FAM168B: variants seen among roughly 807,000 people sequenced by gnomAD.
FAM168B encodes the protein family with sequence similarity 168 member B.
Under a neutral mutation model 21.8 loss-of-function variants are expected in FAM168B, and 19 were observed. The ratio of observed to expected loss-of-function variants is 0.87; its 90% CI spans 0.61 to 1.28. The LOEUF (loss-of-function observed/expected upper bound fraction) is 1.28. Among genes scored for constraint, FAM168B ranks in the 50% most tolerant of loss-of-function variants. The pLI is 0.00. For synonymous variants in FAM168B, 126 were observed against 104.8 expected, an observed-to-expected ratio of 1.20 and a Z score of -1.24; for missense variants, 233 against 263.1, an observed-to-expected ratio of 0.89 and a Z score of 0.79.
intron 3 of FAM168B, among the ~76,000 whole-genome samples, chr2:131,064,717 G>A (rs1191500925): frequency 2.0e-5 from 3 of 152,124 alleles, no homozygotes; most frequent in Non-Finnish European, 4.4e-5. Flanking sequence ...AAGAACTCAG[G>A]CAGAAGGGAA....
intron 5 of FAM168B, among the ~76,000 whole-genome samples, chr2:131,054,055 A>T (rs994332623): frequency 2.6e-5 from 4 of 151,776 alleles, no homozygotes; most frequent in African/African-American, 9.7e-5. Context: ...AGGTACAAAA[A>T]AATATTAGGC....
chr2:131,084,610 CTTTCTT>C (rs981550234), intron 1 of FAM168B, among the ~76,000 whole-genome samples: 1 of 152,072 alleles, frequency 6.6e-6, no homozygotes, highest in African/African-American at 2.4e-5. Flanking sequence ...ATCCATGGAT[CTTTCTT>C]TTTCCTGACA....
chr2:131,076,394 G>C (rs1312908148), intron 2 of FAM168B, among the ~76,000 whole-genome samples: 1 of 152,122 alleles, frequency 6.6e-6, no homozygotes, highest in Admixed American at 6.6e-5. Flanking sequence ...GGGCGCAGTG[G>C]CTCACGCCTG....
chr2:131,085,363 C>A (rs1693636158), intron 1 of FAM168B, among the ~76,000 whole-genome samples: 1 of 152,124 alleles, frequency 6.6e-6, no homozygotes, highest in Non-Finnish European at 1.5e-5. Context: ...TAGAATGTAG[C>A]CAAAACAAGC....
At chr2:131,073,283 G>C (rs1162376626) in intron 2 of FAM168B, among the ~76,000 whole-genome samples, 4 of 151,914 alleles carry the variant, frequency 2.6e-5, no homozygotes, top group African/African-American at 7.3e-5. Flanking sequence ...AGTAGAGATG[G>C]GGTTTTGCCA....
At chr2:131,089,687 C>T (rs1693907235) in intron 1 of FAM168B, among the ~76,000 whole-genome samples, 1 of 144,690 alleles carries the variant, frequency 6.9e-6, no homozygotes, top group Admixed American at 7.2e-5. Flanking sequence ...CACTGCACTC[C>T]AGTCTGGGCA....
chr2:131,077,338 G>A (rs903099760), intron 2 of FAM168B, among the ~76,000 whole-genome samples: 2 of 152,104 alleles, frequency 1.3e-5, no homozygotes, highest in Non-Finnish European at 1.5e-5. Context: ...GTTCAGCCAG[G>A]AGAAGTATGT....
intron 1 of FAM168B, among the ~76,000 whole-genome samples, chr2:131,091,442 T>A (rs1694023734): frequency 6.6e-6 from 1 of 151,664 alleles, no homozygotes. Flanking sequence ...GGTCAGGAGT[T>A]CAAGACCAGA....
Position 131,048,476 on chromosome 2 carries a change from T to C in FAM168B, c.*3989A>G. On this transcript the variant is annotated 3_prime_UTR_variant, in exon 7 of 7. Transcript: ENST00000389915. The stretch of plus-strand genomic sequence containing the variant: ...TTCCCAAGTGACTTCACTTCAGTCC[T>C]GTGGACCAAGATAAGGCTATCCCCA... 1 of 1,164,196 alleles carries C rather than the reference T, an allele frequency of 8.6e-7. No homozygotes were observed. The highest frequency in any genetic ancestry group is 3.8e-5 in the Admixed American group (1 of 26,640). 72.1% of individuals were successfully genotyped at this position (1,164,196 alleles called of 1,614,324 possible). A position where few individuals can be genotyped will look rare whatever the true frequency, so the allele number is the denominator to read the frequency against.
intron 3 of FAM168B, among the ~76,000 whole-genome samples, chr2:131,061,295 TAAAA>T (rs775802154): frequency 1.5e-5 from 2 of 130,680 alleles, no homozygotes; most frequent in African/African-American, 5.7e-5. Context: ...CTCCAAAATT[TAAAA>T]AAAAAAAAAA....
At chr2:131,091,812 A>C (rs1469162864) in intron 1 of FAM168B, among the ~76,000 whole-genome samples, 1 of 151,694 alleles carries the variant, frequency 6.6e-6, no homozygotes, top group Non-Finnish European at 1.5e-5. Context: ...CTATTACTCT[A>C]TTACGCTGGT....
At position 131,049,357 on chromosome 2, in the gene FAM168B, A is replaced by G. The variant is rs1013091149; in HGVS notation, c.*3108T>C. 10 of 985,336 alleles carry G rather than the reference A, an allele frequency of 1.0e-5. No individual in the cohort carries two copies. The African/African-American group carries it at 1.7e-4, about 17-fold the overall frequency. The allele number at this position is 985,336 out of a possible 1,614,324, so 61.0% of individuals were successfully genotyped here. On this transcript the variant is annotated 3_prime_UTR_variant, in exon 7 of 7. Coordinates refer to ENST00000389915, the MANE Select transcript of FAM168B (RefSeq NM_001009993.4). ...TTGCCTGTGAACACATTTGCATAGC[A>G]CTCAAGAAGGTTTCCCAGAATAGCG...
At chr2:131,091,276 T>C (rs576798353) in intron 1 of FAM168B, among the ~76,000 whole-genome samples, 2 of 150,878 alleles carry the variant, frequency 1.3e-5, no homozygotes, top group African/African-American at 4.9e-5. Flanking sequence ...GAGGAGGAGG[T>C]TGCAGTGAGC....
chr2:131,055,778 T>A, intron 3 of FAM168B, 83 bp from the exon 4 acceptor site: 1 of 1,526,144 alleles, frequency 6.6e-7, no homozygotes, highest in South Asian at 1.2e-5. Context: ...GGAGCTAAGC[T>A]GCGTGTCAGC....
chr2:131,073,318 CCT>C (rs1267883722), intron 2 of FAM168B, among the ~76,000 whole-genome samples: 1 of 152,154 alleles, frequency 6.6e-6, no homozygotes, highest in African/African-American at 2.4e-5. Flanking sequence ...GTCTCGAACT[CCT>C]GACCTCAGGT....
At chr2:131,073,152 G>A (rs1031803326) in intron 2 of FAM168B, among the ~76,000 whole-genome samples, 1 of 151,958 alleles carries the variant, frequency 6.6e-6, no homozygotes, top group Non-Finnish European at 1.5e-5. Context: ...GAGTGCAGTG[G>A]TGAGATCTCG....
intron 3 of FAM168B, among the ~76,000 whole-genome samples, chr2:131,063,556 A>G (rs1268135459): frequency 6.6e-6 from 1 of 152,204 alleles, no homozygotes; most frequent in Non-Finnish European, 1.5e-5. Context: ...AGATGGGAGG[A>G]TAACTTGATT....
Position 131,048,406 on chromosome 2 carries a change from C to A in FAM168B, c.*4059G>T. The stretch of plus-strand genomic sequence containing the variant: ...GGAGCACACCACCCTTCTGCAGGCC[C>A]GGGGGGGGGTCCCTACACAGACGCC... On this transcript the variant is annotated 3_prime_UTR_variant, in exon 7 of 7. Transcript: ENST00000389915. 1 of 1,231,596 alleles carries A rather than the reference C, an allele frequency of 8.1e-7. No homozygotes were observed. Among genetic ancestry groups the A allele is most frequent in the South Asian group, 1.4e-5 (1 of 72,556 alleles). 76.3% of individuals were successfully genotyped at this position (1,231,596 alleles called of 1,614,324 possible). A position where few individuals can be genotyped will look rare whatever the true frequency, so the allele number is the denominator to read the frequency against.
rs1691702922 is a variant in FAM168B, at chr2:131,051,925, T to C, written c.*540A>G. On this transcript the variant is annotated 3_prime_UTR_variant, in exon 7 of 7. Transcript: ENST00000389915. Reference sequence around the variant, plus strand: ...AAACAGGTCGCTGAAAACTAAAATGTCCACATCCCTAACTGGCAACCCACA... The same window carrying C: ...AAACAGGTCGCTGAAAACTAAAATGCCCACATCCCTAACTGGCAACCCACA... 1.0e-6 allele frequency: 1 copy of C among 985,358 alleles called. No individual in the cohort carries two copies. The highest frequency in any genetic ancestry group is 1.2e-6 in the Non-Finnish European group (1 of 829,946). 61.0% of individuals were successfully genotyped at this position (985,358 alleles called of 1,614,324 possible). A position where few individuals can be genotyped will look rare whatever the true frequency, so the allele number is the denominator to read the frequency against.
Sources: gnomAD v4.1 joint callset for allele counts (sites outside exome capture counted in the v4.1 genomes callset) on GRCh38, gnomAD v4.1.1 for gene constraint, MANE v1.5 for transcripts, NCBI Gene and HGNC (gene_info 2026-07-23, HGNC 2026-07-21) for gene names.